RUNX1: variants seen among roughly 807,000 people sequenced by gnomAD.
RUNX1 encodes RUNX family transcription factor 1.
RUNX1 carries 19 observed loss-of-function variants against 42.8 expected under a neutral mutation model. The ratio of observed to expected loss-of-function variants is 0.44; its 90% CI spans 0.31 to 0.65. RUNX1 has a LOEUF of 0.65. RUNX1 is among the 30% of genes least tolerant of loss of function. The pLI, the probability that RUNX1 is intolerant of heterozygous loss-of-function variation, is 0.07. For synonymous variants in RUNX1, 271 were observed against 289.4 expected (o/e 0.94, Z 0.64); for missense variants, 528 against 672.0 (o/e 0.79, Z 2.37).
chr21:34,793,127 G>C (rs1428401207), intron 8 of RUNX1, among the ~76,000 whole-genome samples: 1 of 150,652 alleles, frequency 6.6e-6, no homozygotes, highest in Non-Finnish European at 1.5e-5. Context: ...GGGAGGATGG[G>C]GGCTACTGAG....
In RUNX1 at chr21:34,930,400, G is replaced by T. The variant is rs183455575; in HGVS notation, c.59-37437C>A. 2.5e-3 allele frequency among the ~76,000 whole-genome samples: 374 copies of T among 151,128 alleles called. 1 individual carries two copies. The highest frequency in any genetic ancestry group is 8.9e-3 in the African/African-American group (364 of 41,000). ...ACTAGAGGAGGGATGGCCAAATAAG[G>T]TTTATCTGGGGTCCCAACTCTGATT... On this transcript the variant is annotated intron_variant, in intron 2 of 8. Coordinates refer to ENST00000675419, the MANE Select transcript of RUNX1 (RefSeq NM_001754.5).
chr21:34,910,036 T>C (rs2058259714), intron 2 of RUNX1, among the ~76,000 whole-genome samples: 1 of 152,248 alleles, frequency 6.6e-6, no homozygotes, highest in South Asian at 2.1e-4. Flanking sequence ...GCTTGGCCAC[T>C]GAAAGAAGCC....
intron 2 of RUNX1, chr21:35,038,339 C>A: frequency 3.0e-6 from 1 of 335,368 alleles, no homozygotes; most frequent in Non-Finnish European, 5.9e-6. Flanking sequence ...AGAAGAAGCC[C>A]CTGGTGATAA....
At chr21:34,971,137 T>A (rs1031723777) in intron 2 of RUNX1, among the ~76,000 whole-genome samples, 2 of 152,202 alleles carry the variant, frequency 1.3e-5, no homozygotes, top group African/African-American at 4.8e-5. Flanking sequence ...TACTATGCTG[T>A]GCTTATCTAC....
chr21:34,888,075 G>A (rs2058024117), intron 3 of RUNX1: 6 of 1,065,932 alleles, frequency 5.6e-6, no homozygotes, highest in Admixed American at 5.3e-5. Flanking sequence ...TTGAGCAGCC[G>A]CAGAGTCACA....
chr21:34,989,548 G>T (rs1358657895), intron 2 of RUNX1, among the ~76,000 whole-genome samples: 1 of 152,008 alleles, frequency 6.6e-6, no homozygotes, highest in Non-Finnish European at 1.5e-5. Context: ...CAACTGCCTG[G>T]CATGATGTGT....
intron 2 of RUNX1, among the ~76,000 whole-genome samples, chr21:35,004,266 T>A (rs2059067531): frequency 6.6e-6 from 1 of 152,226 alleles, no homozygotes; most frequent in Non-Finnish European, 1.5e-5. Context: ...TTCCATGGGA[T>A]GACAAAGTGC....
intron 6 of RUNX1, among the ~76,000 whole-genome samples, chr21:34,854,951 A>G (rs936699567): frequency 2.4e-4 from 37 of 152,184 alleles, no homozygotes; most frequent in Non-Finnish European, 3.1e-4. Flanking sequence ...TAAAATAGAA[A>G]TAACTATATT....
chr21:34,997,004 C>T (rs1379237218), intron 2 of RUNX1, among the ~76,000 whole-genome samples: 4 of 152,214 alleles, frequency 2.6e-5, no homozygotes, highest in Non-Finnish European at 5.9e-5. Flanking sequence ...CTTATGATTC[C>T]TTTTAAAAAA....
rs77955977 is a variant in RUNX1, at chr21:35,038,985, G to A, written c.58+9857C>T. On this transcript the variant is annotated intron_variant, in intron 2 of 8. Transcript: ENST00000675419. Reference sequence around the variant, plus strand: ...ACATGGTGGGTGCTTAACCAAGGTGGTGCTGGATTTTGGGGAAGAGAGAAC... The same window carrying A: ...ACATGGTGGGTGCTTAACCAAGGTGATGCTGGATTTTGGGGAAGAGAGAAC... 2,086 of 334,086 alleles carry A rather than the reference G, an allele frequency of 6.2e-3. 49 individuals carry two copies. The highest frequency in any genetic ancestry group is 0.042 in the African/African-American group (1,960 of 46,356). The allele number at this position is 334,086 out of a possible 1,614,324, so 20.7% of individuals were successfully genotyped here.
intron 2 of RUNX1, among the ~76,000 whole-genome samples, chr21:34,893,247 A>G (rs1322714445): frequency 6.6e-6 from 1 of 152,318 alleles, no homozygotes; most frequent in South Asian, 2.1e-4. Context: ...TGTGATTAAA[A>G]TGTGATTTAT....
chr21:34,908,199 C>T (rs1204004477), intron 2 of RUNX1, among the ~76,000 whole-genome samples: 1 of 152,090 alleles, frequency 6.6e-6, no homozygotes, highest in Non-Finnish European at 1.5e-5. Context: ...GTCATTCGAA[C>T]AGAGTAATGA....
intron 2 of RUNX1, among the ~76,000 whole-genome samples, chr21:34,894,687 T>G (rs533564047): frequency 8.5e-4 from 129 of 152,274 alleles, no homozygotes; most frequent in African/African-American, 3.0e-3. Flanking sequence ...GCTCTCTCTC[T>G]GTCTCTCTCT....
intron 2 of RUNX1, among the ~76,000 whole-genome samples, chr21:35,005,805 T>C (rs1490189098): frequency 4.6e-5 from 7 of 152,228 alleles, no homozygotes; most frequent in Non-Finnish European, 1.0e-4. Flanking sequence ...CCTTTGAATT[T>C]CATGCCAGTG....
At chr21:35,006,151 G>A (rs895618896) in intron 2 of RUNX1, among the ~76,000 whole-genome samples, 4 of 152,170 alleles carry the variant, frequency 2.6e-5, no homozygotes, top group African/African-American at 4.8e-5. Flanking sequence ...AAACTAAAGC[G>A]TTGCATCCAG....
At chr21:34,873,116 T>C (rs553932338) in intron 5 of RUNX1, among the ~76,000 whole-genome samples, 22 of 152,286 alleles carry the variant, frequency 1.4e-4, no homozygotes, top group African/African-American at 5.3e-4. Context: ...TAATACTGAC[T>C]ATCCTCTATA....
At chr21:34,960,032 G>T (rs986291423) in intron 2 of RUNX1, among the ~76,000 whole-genome samples, 2 of 152,104 alleles carry the variant, frequency 1.3e-5, no homozygotes, top group African/African-American at 4.8e-5. Flanking sequence ...GCTTGCACAG[G>T]GGGTCAGCGA....
chr21:34,990,280 T>C (rs975375774), intron 2 of RUNX1, among the ~76,000 whole-genome samples: 1 of 152,196 alleles, frequency 6.6e-6, no homozygotes, highest in African/African-American at 2.4e-5. Context: ...AAAATGAGTT[T>C]GTTTGTGATG....
At chr21:34,884,327 C>T (rs1469969142) in intron 4 of RUNX1, among the ~76,000 whole-genome samples, 3 of 152,110 alleles carry the variant, frequency 2.0e-5, no homozygotes, top group East Asian at 1.9e-4. Flanking sequence ...AGAAGATTGA[C>T]GTAGAGGATT....
Sources: gnomAD v4.1 joint callset for allele counts (sites outside exome capture counted in the v4.1 genomes callset) on GRCh38, gnomAD v4.1.1 for gene constraint, MANE v1.5 for transcripts, NCBI Gene and HGNC (gene_info 2026-07-23, HGNC 2026-07-21) for gene names.